DPYSL5: variants seen among roughly 807,000 people sequenced by gnomAD.
DPYSL5 encodes the protein dihydropyrimidinase like 5.
Under a neutral mutation model 58.4 loss-of-function variants are expected in DPYSL5, and 9 were observed. That is an observed-to-expected ratio of 0.15 (90% CI 0.09 to 0.27). The LOEUF is 0.27. DPYSL5 is among the 10% of genes least tolerant of loss of function. The pLI is 1.00. For missense variants in DPYSL5, 499 were observed against 770.6 expected, an observed-to-expected ratio of 0.65 and a Z score of 4.17; for synonymous variants, 293 against 301.9, an observed-to-expected ratio of 0.97 and a Z score of 0.31.
rs538223898 is a variant in DPYSL5 at position 26,874,661 on chromosome 2, G to T, written c.-4-23835G>T. Reference sequence around the variant, plus strand: ...AAATAAGGTTTTAAAAAAGCAGGAGGTGTCTGACTTCATGTGGCATTTTCC... The same window carrying T: ...AAATAAGGTTTTAAAAAAGCAGGAGTTGTCTGACTTCATGTGGCATTTTCC... On this transcript the variant is annotated intron_variant, in intron 1 of 12. Transcript: ENST00000288699. Among the ~76,000 whole-genome samples the T allele has an allele frequency of 3.3e-5, 5 of 152,348 alleles. No individual in the cohort carries two copies. The South Asian group carries it at 8.3e-4, about 25-fold the overall frequency.
intron 1 of DPYSL5, among the ~76,000 whole-genome samples, chr2:26,863,045 A>G (rs994516841): frequency 4.6e-5 from 7 of 152,118 alleles, no homozygotes; most frequent in African/African-American, 1.4e-4. Flanking sequence ...CCTCTCTCCA[A>G]CACAGCGGGA....
At chr2:26,876,512 GTTTGTT>G (rs1028586277) in intron 1 of DPYSL5, among the ~76,000 whole-genome samples, 1 of 152,020 alleles carries the variant, frequency 6.6e-6, no homozygotes, top group African/African-American at 2.4e-5. Context: ...TGGTTTTGGG[GTTTGTT>G]TTTGTTTTTG....
intron 1 of DPYSL5, among the ~76,000 whole-genome samples, chr2:26,882,883 C>T (rs1477025129): frequency 6.7e-6 from 1 of 148,906 alleles, no homozygotes; most frequent in African/African-American, 2.5e-5. Context: ...TGCACTCCAG[C>T]CTGGGTGACA....
rs1043671662 is a variant in DPYSL5, at chr2:26,925,715, C to G, written c.420+670C>G. On this transcript the variant is annotated intron_variant, in intron 3 of 12. Transcript: ENST00000288699. The surrounding 1 kb of genome is among the most constrained non-coding windows in gnomAD (Gnocchi z 4.5). ...GGGTCAGAGTCCAGACTCCTCTCCC[C>G]GGATTCCCACTTCCTTGCTCTTCCT... Among the ~76,000 whole-genome samples the G allele has an allele frequency of 1.3e-5, 2 of 152,182 alleles. No individual in the cohort carries two copies. The highest frequency in any genetic ancestry group is 2.9e-5 in the Non-Finnish European group (2 of 68,034).
chr2:26,857,235 TG>T (rs1665901180), intron 1 of DPYSL5, among the ~76,000 whole-genome samples: 1 of 152,140 alleles, frequency 6.6e-6, no homozygotes, highest in Non-Finnish European at 1.5e-5. Context: ...GTGTGATTTC[TG>T]TGGCTTAAAA....
At chr2:26,895,190 T>C (rs1663981662) in intron 1 of DPYSL5, among the ~76,000 whole-genome samples, 1 of 152,252 alleles carries the variant, frequency 6.6e-6, no homozygotes, top group African/African-American at 2.4e-5. Context: ...ACTTTATTCT[T>C]CTTTGTGGAG....
rs551002619 is a variant in DPYSL5, at chr2:26,926,239, C to T, written c.421-1014C>T. ...CTGGCACTTATAGAAGACCTCCTCC[C>T]GGTTCTGGGCCAGAGGTGCAGATCA... On this transcript the variant is annotated intron_variant, in intron 3 of 12. Transcript: ENST00000288699. Among the ~76,000 whole-genome samples, 6 of 152,270 alleles carry T rather than the reference C, an allele frequency of 3.9e-5. No homozygotes were observed. In the East Asian group the frequency reaches 5.8e-4, roughly 15 times the overall value.
intron 1 of DPYSL5, among the ~76,000 whole-genome samples, chr2:26,868,179 T>C (rs932647867): frequency 2.6e-5 from 4 of 152,236 alleles, no homozygotes; most frequent in African/African-American, 9.6e-5. Flanking sequence ...TGATGTCCTA[T>C]GCCCATCTTT....
chr2:26,880,625 G>A (rs566565938), intron 1 of DPYSL5, among the ~76,000 whole-genome samples: 6 of 152,198 alleles, frequency 3.9e-5, no homozygotes, highest in African/African-American at 1.4e-4. Flanking sequence ...GCCTACCTCC[G>A]CCTCCCCTCT....
At chr2:26,857,994 C>A (rs1338279364) in intron 1 of DPYSL5, among the ~76,000 whole-genome samples, 1 of 152,136 alleles carries the variant, frequency 6.6e-6, no homozygotes, top group Non-Finnish European at 1.5e-5. Context: ...GGTAATGAAA[C>A]ACGAGCAGCC....
At chr2:26,869,424 C>T (rs957939506) in intron 1 of DPYSL5, among the ~76,000 whole-genome samples, 3 of 152,032 alleles carry the variant, frequency 2.0e-5, no homozygotes, top group African/African-American at 7.3e-5. Context: ...TGTCCATCAC[C>T]CCACACAGAC....
At chr2:26,894,427 CT>C (rs1290595046) in intron 1 of DPYSL5, among the ~76,000 whole-genome samples, 3 of 152,198 alleles carry the variant, frequency 2.0e-5, no homozygotes, top group African/African-American at 7.2e-5. Flanking sequence ...AAGCCTTTGA[CT>C]TTAACCTCTC....
intron 1 of DPYSL5, among the ~76,000 whole-genome samples, chr2:26,856,814 C>A (rs1665889357): frequency 6.8e-6 from 1 of 147,618 alleles, no homozygotes; most frequent in African/African-American, 2.7e-5. Flanking sequence ...ACTTCCAACT[C>A]TTATTCTTCA....
At chr2:26,900,864 A>G (rs1043274843) in intron 2 of DPYSL5, among the ~76,000 whole-genome samples, 1 of 152,048 alleles carries the variant, frequency 6.6e-6, no homozygotes, top group Admixed American at 6.5e-5. Flanking sequence ...CACTGTCACT[A>G]TGCTGTCTAC....
At chr2:26,893,757 G>T (rs183389777) in intron 1 of DPYSL5, among the ~76,000 whole-genome samples, 1 of 152,242 alleles carries the variant, frequency 6.6e-6, no homozygotes, top group South Asian at 2.1e-4. Context: ...ATCTAGTGCC[G>T]TGAAGGCAAT....
At chr2:26,864,216 G>C (rs901869192) in intron 1 of DPYSL5, among the ~76,000 whole-genome samples, 2 of 152,228 alleles carry the variant, frequency 1.3e-5, no homozygotes, top group African/African-American at 2.4e-5. Context: ...CTGCACTCCA[G>C]CCTGGGCAAT....
intron 6 of DPYSL5, among the ~76,000 whole-genome samples, chr2:26,932,086 GAA>G (rs1487726823): frequency 6.9e-5 from 2 of 29,156 alleles, no homozygotes; most frequent in African/African-American, 3.0e-4. Flanking sequence ...AGAAAGAAAA[GAA>G]AAAAGAAAGA....
intron 1 of DPYSL5, among the ~76,000 whole-genome samples, chr2:26,862,090 C>T (rs146915754): frequency 6.6e-6 from 1 of 152,312 alleles, no homozygotes; most frequent in East Asian, 1.9e-4. Flanking sequence ...AGGCAGGTCT[C>T]CAGATGAAAA....
upstream of DPYSL5, chr2:26,848,121 C>T (rs1403142230): frequency 3.3e-5 from 5 of 151,660 alleles, no homozygotes; most frequent in Admixed American, 3.3e-4. Flanking sequence ...GACTCCCGCG[C>T]TGGGCGCGCT....
Sources: gnomAD v4.1 joint callset for allele counts (sites outside exome capture counted in the v4.1 genomes callset) on GRCh38, gnomAD v4.1.1 for gene constraint, Gnocchi (gnomAD v3.1) non-coding constraint, MANE v1.5 for transcripts, NCBI Gene and HGNC (gene_info 2026-07-23, HGNC 2026-07-21) for gene names.